AFAP1: variants seen among roughly 807,000 people sequenced by gnomAD.
AFAP1 encodes actin filament associated protein 1, also known as actin filament-associated protein 1.
Under a neutral mutation model 93.9 loss-of-function variants are expected in AFAP1, and 75 were observed. The observed-to-expected ratio is 0.80, with a 90% CI of 0.66 to 0.97. The LOEUF (loss-of-function observed/expected upper bound fraction) is 0.97. Ranked by LOEUF, AFAP1 falls within the 50% of genes least tolerant of loss-of-function variation. The probability of loss-of-function intolerance (pLI) is 0.00; values close to 1 mark genes in which losing one functional copy is unlikely to be tolerated. For synonymous variants in AFAP1, 517 were observed against 430.7 expected, an observed-to-expected ratio of 1.20 and a Z score of -2.48; for missense variants, 1,201 against 1,050.8, an observed-to-expected ratio of 1.14 and a Z score of -1.98.
chr4:7,765,999 A>G (rs1447378922), intron 17 of AFAP1, among the ~76,000 whole-genome samples: 1 of 152,184 alleles, frequency 6.6e-6, no homozygotes, highest in East Asian at 1.9e-4. Context: ...GGGGCTCATT[A>G]ACTGGGTCAT....
In AFAP1 at chr4:7,761,708, G is replaced by A. The variant is rs1470784364; in HGVS notation, c.*2057C>T. 1 of 152,118 alleles carries A rather than the reference G, an allele frequency of 6.6e-6. No homozygotes were observed. The highest frequency in any genetic ancestry group is 1.5e-5 in the Non-Finnish European group (1 of 68,046). 9.4% of individuals were successfully genotyped at this position (152,118 alleles called of 1,614,324 possible). On this transcript the variant is annotated 3_prime_UTR_variant, in exon 18 of 18. Coordinates refer to ENST00000420658, the MANE Select transcript of AFAP1 (RefSeq NM_001134647.2). ...ACCAGGGAAACTATTTGACCCGAAG[G>A]CAGCAAAAATCTATGGAGGAGCAAA... is the stretch of plus-strand genomic sequence containing the variant.
intron 1 of AFAP1, among the ~76,000 whole-genome samples, chr4:7,937,272 A>T (rs1721440273): frequency 6.6e-6 from 1 of 152,244 alleles, no homozygotes; most frequent in Non-Finnish European, 1.5e-5. Context: ...AGAAACTTCC[A>T]CTTTAGAATC....
At chr4:7,822,580 TTTTTTC>T (rs1020999752) in intron 6 of AFAP1, among the ~76,000 whole-genome samples, 5 of 95,400 alleles carry the variant, frequency 5.2e-5, no homozygotes, top group Admixed American at 1.2e-4. Context: ...TTTCTTTTTC[TTTTTTC>T]TTTTTTTTTT....
chr4:7,858,390 T>TA (rs1468057962), intron 3 of AFAP1, among the ~76,000 whole-genome samples: 1 of 152,142 alleles, frequency 6.6e-6, no homozygotes, highest in Non-Finnish European at 1.5e-5. Context: ...ATAATACTGC[T>TA]AAAGAATCAC....
intron 16 of AFAP1, among the ~76,000 whole-genome samples, chr4:7,771,904 G>A (rs908116291): frequency 1.1e-4 from 17 of 152,158 alleles, no homozygotes; most frequent in African/African-American, 4.1e-4. Context: ...GGAGAGTAAG[G>A]AAGAACAGGC....
intron 1 of AFAP1, among the ~76,000 whole-genome samples, chr4:7,884,570 C>T (rs1340723830): frequency 6.6e-6 from 1 of 152,128 alleles, no homozygotes; most frequent in Non-Finnish European, 1.5e-5. Flanking sequence ...GACCCAAATA[C>T]ACACAGAAAT....
At chr4:7,793,609 C>A in intron 11 of AFAP1, 72 bp downstream of exon 11, 1 of 1,367,380 alleles carries the variant, frequency 7.3e-7, no homozygotes, top group South Asian at 2.1e-5. Flanking sequence ...CACACAAAAA[C>A]TAAGTTAAGC....
intron 8 of AFAP1, among the ~76,000 whole-genome samples, chr4:7,814,765 C>A (rs4072297): frequency 0.34 from 51,615 of 152,032 alleles, 9,861 homozygotes; most frequent in African/African-American, 0.52. Context: ...CAGAGGCAGA[C>A]GGGGGAGAAA....
intron 2 of AFAP1, 68 bp from the exon 3 acceptor site, chr4:7,868,787 A>G (rs189254399): frequency 2.0e-5 from 28 of 1,385,874 alleles, no homozygotes; most frequent in Middle Eastern, 1.8e-4. Flanking sequence ...ACTAGCATCT[A>G]TCAGTTCCTG....
chr4:7,769,192 C>G (rs753441196), intron 16 of AFAP1, among the ~76,000 whole-genome samples, 184 bp from the exon 17 acceptor site: 1 of 152,224 alleles, frequency 6.6e-6, no homozygotes, highest in Non-Finnish European at 1.5e-5. Flanking sequence ...GCATTCACGG[C>G]CGGGGGGCAG....
intron 16 of AFAP1, among the ~76,000 whole-genome samples, chr4:7,769,764 A>G (rs62291985): frequency 1.3e-3 from 192 of 152,340 alleles, no homozygotes; most frequent in Non-Finnish European, 2.0e-3. Flanking sequence ...TGCTCAGGGT[A>G]TATGGAATAT....
At chr4:7,922,699 C>A (rs1459560576) in intron 1 of AFAP1, among the ~76,000 whole-genome samples, 2 of 152,150 alleles carry the variant, frequency 1.3e-5, no homozygotes, top group African/African-American at 4.8e-5. Flanking sequence ...TGAAAAATCA[C>A]TGGGCCGGGT....
intron 1 of AFAP1, among the ~76,000 whole-genome samples, chr4:7,917,737 A>C (rs1720162995): frequency 6.6e-6 from 1 of 152,106 alleles, no homozygotes; most frequent in Non-Finnish European, 1.5e-5. Flanking sequence ...TGATCACATC[A>C]ATCCCACCAA....
chr4:7,798,460 C>T lies in AFAP1; in HGVS notation c.1266+1982G>A, dbSNP rs189519333. On this transcript the variant is annotated intron_variant, in intron 10 of 17. Coordinates refer to ENST00000420658, the MANE Select transcript of AFAP1 (RefSeq NM_001134647.2). ...CATTGCAACCCTATTGGCTGGCTCA[C>T]GGCATTGCAACTCTATTGGCTGGCT... Among the ~76,000 whole-genome samples, 40 of 110,786 alleles carry T rather than the reference C, an allele frequency of 3.6e-4. 1 individual carries two copies. In the East Asian group the frequency reaches 7.5e-3, roughly 21 times the overall value. 72.7% of individuals were successfully genotyped at this position (110,786 alleles called of 152,430 possible).
intron 7 of AFAP1, among the ~76,000 whole-genome samples, chr4:7,818,383 C>T (rs568956403): frequency 0.013 from 1,992 of 152,270 alleles, 24 homozygotes; most frequent in Non-Finnish European, 0.02. Context: ...AGAATCCTGA[C>T]TTATATGAGG....
At chr4:7,794,705 T>C (rs530462870) in intron 10 of AFAP1, among the ~76,000 whole-genome samples, 1 of 152,104 alleles carries the variant, frequency 6.6e-6, no homozygotes, top group South Asian at 2.1e-4. Context: ...TATTTTTTAT[T>C]TGTAGAGACA....
chr4:7,843,166 G>T lies in AFAP1; in HGVS notation c.519C>A (p.Leu173=). The T allele has an allele frequency of 6.2e-7, 1 of 1,614,180 alleles. No homozygotes were observed. The highest frequency in any genetic ancestry group is 1.1e-5 in the South Asian group (1 of 91,080). ...KKRFGQWTKL[L]CVIKDTKLLC... ...GCAGTTTGGTGTCTTTGATGACGCAGAGCAACTTGGTCCACTGGCCGAACC... is the reference window on the plus strand; with the variant it reads ...GCAGTTTGGTGTCTTTGATGACGCATAGCAACTTGGTCCACTGGCCGAACC... The change falls in exon 5 of 18, where the codon CTC becomes CTA. Residue 173 remains leucine, a synonymous_variant. Coordinates refer to ENST00000420658, the MANE Select transcript of AFAP1 (RefSeq NM_001134647.2).
At chr4:7,845,729 C>T (rs1713606046) in intron 4 of AFAP1, among the ~76,000 whole-genome samples, 1 of 152,100 alleles carries the variant, frequency 6.6e-6, no homozygotes, top group Non-Finnish European at 1.5e-5. Context: ...CCCATCAGCA[C>T]CTACACTCAC....
intron 13 of AFAP1, among the ~76,000 whole-genome samples, chr4:7,780,615 C>T (rs1716661362): frequency 6.6e-6 from 1 of 151,552 alleles, no homozygotes; most frequent in South Asian, 2.1e-4. Context: ...AGTTCAAGTC[C>T]TGCCTGGGCA....
Sources: allele counts gnomAD v4.1 joint callset (sites outside exome capture counted in the v4.1 genomes callset), GRCh38; gene constraint gnomAD v4.1.1; transcripts MANE v1.5; gene names NCBI Gene and HGNC (gene_info 2026-07-23, HGNC 2026-07-21).